The following SLC22A4 variants were observed in gnomAD, a reference collection of about 807,000 sequenced individuals.
SLC22A4 encodes the protein ET transporter.
Under a neutral mutation model 56.6 loss-of-function variants are expected in SLC22A4, and 39 were observed. The observed-to-expected ratio is 0.69, with a 90% CI of 0.53 to 0.90. The LOEUF is 0.90. SLC22A4 is among the 40% of genes least tolerant of loss of function. SLC22A4 has a pLI of 0.00. For missense variants in SLC22A4, 594 were observed against 696.5 expected (o/e 0.85, Z 1.66); for synonymous variants, 241 against 281.4 (o/e 0.86, Z 1.44).
At chr5:132,314,211 G>A (rs867708476) in intron 3 of SLC22A4, among the ~76,000 whole-genome samples, 1 of 152,138 alleles carries the variant, frequency 6.6e-6, no homozygotes, top group Non-Finnish European at 1.5e-5. Context: ...CAGACAGGGG[G>A]AGTTCAGTGC....
chr5:132,313,469 G>T, intron 2 of SLC22A4, 145 bp from the exon 3 acceptor site: 1 of 777,564 alleles, frequency 1.3e-6, no homozygotes, highest in South Asian at 1.4e-5. Context: ...CCTCACCAAG[G>T]AGGAAGATGG....
intron 1 of SLC22A4, among the ~76,000 whole-genome samples, chr5:132,308,543 A>G (rs1750100786): frequency 2.6e-5 from 4 of 152,006 alleles, no homozygotes; most frequent in Admixed American, 2.6e-4. Flanking sequence ...CACGGCACTC[A>G]GTGAGCACTC....
In SLC22A4 at chr5:132,341,746, G is replaced by A. The variant is rs150508391; in HGVS notation, c.1580+1046G>A. On this transcript the variant is annotated intron_variant, in intron 9 of 9. Transcript: ENST00000200652. ...GCAGATTGCTTGAGGTCAGGAGTTC[G>A]AGAACAGTCTGTCCAACATGGTGAA... Among the ~76,000 whole-genome samples, 7 of 152,082 alleles carry A rather than the reference G, an allele frequency of 4.6e-5. No homozygotes were observed. In the East Asian group the frequency reaches 7.7e-4, roughly 17 times the overall value.
intron 2 of SLC22A4, 42 bp from the exon 3 acceptor site, chr5:132,313,572 A>G: frequency 1.2e-6 from 2 of 1,602,684 alleles, no homozygotes; most frequent in Non-Finnish European, 1.7e-6. Context: ...ACACCTTGGC[A>G]ACCTACACAT....
intron 5 of SLC22A4, among the ~76,000 whole-genome samples, chr5:132,327,909 G>T (rs1281721963): frequency 2.6e-5 from 4 of 152,134 alleles, no homozygotes; most frequent in Non-Finnish European, 5.9e-5. Context: ...AAAGCTGGTG[G>T]CCACAAGGAA....
At position 132,295,007 on chromosome 5, in the gene SLC22A4, G is replaced by A. The variant is rs1377930418; in HGVS notation, c.391G>A (p.Glu131Lys). 6.2e-7 allele frequency: 1 copy of A among 1,604,926 alleles called. No individual in the cohort carries two copies. The highest frequency in any genetic ancestry group is 8.5e-7 in the Non-Finnish European group (1 of 1,176,432). ...CGTCTACCTGTCCACCGTCGTGACC[G>A]AGGTGGGTGCCAGGCCGAGACCGTT... ...QDVYLSTVVT[E>K]WNLVCEDNWK... The change falls in exon 1 of 10, where the codon GAG becomes AAG. Residue 131 changes from glutamate (E) to lysine (K), a missense_variant and splice_region_variant. Glu to Lys is a moderately conservative substitution (Grantham distance 56). Transcript: ENST00000200652.
chr5:132,337,643 T>C (rs1751066942), intron 8 of SLC22A4, among the ~76,000 whole-genome samples: 1 of 152,124 alleles, frequency 6.6e-6, no homozygotes, highest in African/African-American at 2.4e-5. Flanking sequence ...CTTTCATTCC[T>C]ATTTATTAAT....
At chr5:132,327,202 T>C in intron 4 of SLC22A4, 75 bp from the exon 5 acceptor site, 4 of 1,177,286 alleles carry the variant, frequency 3.4e-6, no homozygotes, top group Non-Finnish European at 4.8e-6. Context: ...TAAAACTATT[T>C]GGGGGAAACT....
At chr5:132,325,866 G>A (rs1377871766) in intron 4 of SLC22A4, among the ~76,000 whole-genome samples, 1 of 152,096 alleles carries the variant, frequency 6.6e-6, no homozygotes, top group African/African-American at 2.4e-5. Flanking sequence ...CATAAGACAC[G>A]CCCACCCGTG....
At chr5:132,318,772 C>G (rs992855948) in intron 3 of SLC22A4, among the ~76,000 whole-genome samples, 2 of 152,074 alleles carry the variant, frequency 1.3e-5, no homozygotes, top group African/African-American at 4.8e-5. Flanking sequence ...GTTTCACTCC[C>G]AGGAGAAACT....
intron 1 of SLC22A4, among the ~76,000 whole-genome samples, chr5:132,308,695 G>C (rs973301480): frequency 6.6e-6 from 1 of 152,070 alleles, no homozygotes; most frequent in Non-Finnish European, 1.5e-5. Flanking sequence ...AGAGCTGAAG[G>C]CCATGCGGCC....
chr5:132,344,132 T>G lies in SLC22A4; in HGVS notation c.*297T>G, dbSNP rs1172062332. The G allele has an allele frequency of 6.2e-6, 2 of 324,494 alleles. No individual in the cohort carries two copies. Among genetic ancestry groups the G allele is most frequent in the African/African-American group, 4.2e-5 (2 of 47,074 alleles). 20.1% of individuals were successfully genotyped at this position (324,494 alleles called of 1,614,324 possible). ...GTAAAATACATATAAAGATTAACAC[T>G]CATTTCCAATCATACAAATACTATC... is the stretch of plus-strand genomic sequence containing the variant. On this transcript the variant is annotated 3_prime_UTR_variant, in exon 10 of 10. Coordinates refer to ENST00000200652, the MANE Select transcript of SLC22A4 (RefSeq NM_003059.3).
intron 6 of SLC22A4, among the ~76,000 whole-genome samples, 177 bp downstream of exon 6, chr5:132,332,027 A>C (rs1750872330): frequency 6.6e-6 from 1 of 152,176 alleles, no homozygotes; most frequent in African/African-American, 2.4e-5. Flanking sequence ...GATATTGAAA[A>C]ATGTCACTGG....
intron 9 of SLC22A4, among the ~76,000 whole-genome samples, chr5:132,342,612 C>A (rs1751254669): frequency 6.6e-6 from 1 of 152,220 alleles, no homozygotes; most frequent in Non-Finnish European, 1.5e-5. Flanking sequence ...AGGTTACCCA[C>A]ATTTCTCTCT....
intron 3 of SLC22A4, among the ~76,000 whole-genome samples, chr5:132,314,113 T>A (rs1356321181): frequency 6.6e-6 from 1 of 152,116 alleles, no homozygotes; most frequent in Non-Finnish European, 1.5e-5. Flanking sequence ...TTGATCTGAG[T>A]TGTGTAGGCT....
chr5:132,312,005 A>C (rs1210282547), intron 1 of SLC22A4, 156 bp from the exon 2 acceptor site: 4 of 731,470 alleles, frequency 5.5e-6, no homozygotes, highest in Non-Finnish European at 1.0e-5. Context: ...AGTCAAACCC[A>C]GGGCTGCAAG....
intron 1 of SLC22A4, among the ~76,000 whole-genome samples, chr5:132,308,503 A>AT (rs1750097608): frequency 6.7e-6 from 1 of 149,098 alleles, no homozygotes; most frequent in East Asian, 2.0e-4. Context: ...CCCATCTCAC[A>AT]TGCCAACCCT....
rs1751187098 is a variant in SLC22A4 at position 132,340,633 on chromosome 5, C to A, written c.1513C>A (p.Leu505Ile). 5 of 1,611,790 alleles carry A rather than the reference C, an allele frequency of 3.1e-6. No individual in the cohort carries two copies. Among genetic ancestry groups the A allele is most frequent in the Non-Finnish European group, 4.2e-6 (5 of 1,178,052 alleles). The change falls in exon 9 of 10, where the codon CTT becomes ATT. Residue 505 changes from leucine to isoleucine, a missense_variant. Transcript: ENST00000200652. ...SLTVLIGILT[L>I]FFPESLGMTL... ...GACTGTCCTGATTGGAATCCTCACC[C>A]TTTTTTTCCCTGAAAGTTTGGGAAT...
chr5:132,337,152 G>T (rs774165568), intron 8 of SLC22A4, among the ~76,000 whole-genome samples: 2 of 151,852 alleles, frequency 1.3e-5, no homozygotes, highest in African/African-American at 2.4e-5. Context: ...AGCAAAGAGA[G>T]CCATTAAAAA....
Sources: gnomAD v4.1 joint callset for allele counts (sites outside exome capture counted in the v4.1 genomes callset) on GRCh38, gnomAD v4.1.1 for gene constraint, MANE v1.5 for transcripts, NCBI Gene and HGNC (gene_info 2026-07-23, HGNC 2026-07-21) for gene names.